FAAH2: variants seen among roughly 807,000 people sequenced by gnomAD.
FAAH2 encodes the protein fatty acid amide hydrolase 2, also known as fatty-acid amide hydrolase 2.
In FAAH2, 60 loss-of-function variants were observed where a neutral mutation model predicts 36.9. The ratio of observed to expected loss-of-function variants is 1.63; its 90% CI spans 1.32 to 2.02. The LOEUF (loss-of-function observed/expected upper bound fraction) is 2.02, where lower values mean the gene tolerates loss of function less well. Among genes scored for constraint, FAAH2 ranks in the 30% most tolerant of loss-of-function variants. FAAH2 has a pLI of 0.00. For missense variants in FAAH2, 689 were observed against 397.5 expected (o/e 1.73, Z -6.23); for synonymous variants, 214 against 143.8 (o/e 1.49, Z -3.49).
chrX:57,152,308 A>G, the FAAH2 span, among the ~76,000 whole-genome samples: 1 of 112,192 alleles, frequency 8.9e-6, no homozygotes, highest in Non-Finnish European at 1.9e-5. Flanking sequence ...TCAGACTGGG[A>G]CATTTAAGTC....
chrX:57,201,884 A>C, the FAAH2 span, among the ~76,000 whole-genome samples: 1 of 111,523 alleles, frequency 9.0e-6, no homozygotes, highest in South Asian at 3.8e-4. Context: ...CTTCTAGCTT[A>C]GTAATATTTT....
chrX:57,159,624 T>G, the FAAH2 span, among the ~76,000 whole-genome samples: 1 of 111,738 alleles, frequency 8.9e-6, no homozygotes, highest in Non-Finnish European at 1.9e-5. Context: ...AGTTCACTCA[T>G]GATTTGGCTC....
intron 3 of FAAH2, among the ~76,000 whole-genome samples, chrX:57,321,476 A>T (rs772809129): frequency 9.1e-6 from 1 of 109,659 alleles, no homozygotes; most frequent in South Asian, 3.9e-4. Flanking sequence ...GTATAATAAT[A>T]ATTATTATTA....
chrX:57,467,326 G>A (rs1454914214), intron 10 of FAAH2, among the ~76,000 whole-genome samples: 1 of 111,272 alleles, frequency 9.0e-6, no homozygotes, highest in African/African-American at 3.3e-5. Flanking sequence ...GGAAGTGCAA[G>A]GGGTCAGGGA....
intron 5 of FAAH2, among the ~76,000 whole-genome samples, chrX:57,357,579 GA>G (rs1486821670): frequency 3.6e-5 from 4 of 111,707 alleles, no homozygotes; most frequent in East Asian, 5.6e-4. Context: ...ACAAATGTAT[GA>G]AAAAAAGCTC....
At chrX:57,363,121 A>G (rs1030984708) in intron 5 of FAAH2, among the ~76,000 whole-genome samples, 1 of 111,956 alleles carries the variant, frequency 8.9e-6, no homozygotes, top group Non-Finnish European at 1.9e-5. Context: ...ACTCACATTG[A>G]GAGTTTGATG....
At chrX:57,432,095 C>T (rs1226832666) in intron 8 of FAAH2, 58 bp downstream of exon 8, 2 of 1,009,990 alleles carry the variant, frequency 2.0e-6, no homozygotes, top group Admixed American at 2.5e-5. Flanking sequence ...TATTGAGCTT[C>T]TATTGTGGTC....
the FAAH2 span, among the ~76,000 whole-genome samples, chrX:57,257,564 G>A: frequency 2.0e-3 from 220 of 109,797 alleles, no homozygotes; most frequent in Middle Eastern, 9.3e-3. Flanking sequence ...TCTAGGGGAG[G>A]GATAACATTA....
At chrX:57,399,638 C>A (rs752022561) in intron 7 of FAAH2, among the ~76,000 whole-genome samples, 1 of 111,488 alleles carries the variant, frequency 9.0e-6, no homozygotes, top group South Asian at 3.8e-4. Context: ...CTGATGACCC[C>A]AGTAGTGTAA....
At chrX:57,202,149 T>C in the FAAH2 span, among the ~76,000 whole-genome samples, 1 of 112,101 alleles carries the variant, frequency 8.9e-6, no homozygotes, top group Non-Finnish European at 1.9e-5. Flanking sequence ...GTGCCTTATT[T>C]AGTTTATGTG....
In FAAH2 at chrX:57,325,360, A is replaced by T. The variant is rs2053181780; in HGVS notation, c.413-6238A>T. Among the ~76,000 whole-genome samples, 3 of 111,576 alleles carry T rather than the reference A, an allele frequency of 2.7e-5. No homozygotes were observed. In the South Asian group the frequency reaches 1.1e-3, roughly 42 times the overall value. On this transcript the variant is annotated intron_variant, in intron 3 of 10. Transcript: ENST00000374900. ...AGGATGATGCTGGCCTCATAAAATG[A>T]GTTAGGGAGGATTCCCTATTTTTCT...
At chrX:57,347,604 G>GTTTTTTTT (rs61323098) in intron 5 of FAAH2, among the ~76,000 whole-genome samples, 1 of 77,884 alleles carries the variant, frequency 1.3e-5, no homozygotes, top group African/African-American at 6.5e-5. Context: ...GGGATGCTAA[G>GTTTTTTTT]TTTTTTTTTT....
intron 7 of FAAH2, among the ~76,000 whole-genome samples, chrX:57,415,222 CCTT>C (rs769754387): frequency 1.8e-5 from 2 of 109,924 alleles, no homozygotes; most frequent in East Asian, 5.7e-4. Context: ...TCATTTCTCT[CCTT>C]CAGTTCTGCA....
chrX:57,167,553 A>C, the FAAH2 span, among the ~76,000 whole-genome samples: 3 of 111,689 alleles, frequency 2.7e-5, no homozygotes, highest in Non-Finnish European at 5.6e-5. Flanking sequence ...ATATTGTGAG[A>C]ACAATTACTT....
At chrX:57,177,682 C>T in the FAAH2 span, among the ~76,000 whole-genome samples, 1 of 93,949 alleles carries the variant, frequency 1.1e-5, no homozygotes, top group Admixed American at 1.3e-4. Flanking sequence ...ACAGATGCAT[C>T]TACATAGAAC....
chrX:57,389,869 A>C (rs2055122768), intron 7 of FAAH2, among the ~76,000 whole-genome samples: 1 of 110,983 alleles, frequency 9.0e-6, no homozygotes, highest in Non-Finnish European at 1.9e-5. Flanking sequence ...CTTTAAAAAA[A>C]AATAATAGCT....
chrX:57,388,376 C>A (rs1467108441), intron 7 of FAAH2, among the ~76,000 whole-genome samples: 1 of 110,920 alleles, frequency 9.0e-6, no homozygotes, highest in Non-Finnish European at 1.9e-5. Context: ...ATTTTATAAT[C>A]CAGGTCTTTT....
At chrX:57,431,844 T>G in intron 7 of FAAH2, 74 bp from the exon 8 acceptor site, 4 of 898,205 alleles carry the variant, frequency 4.5e-6, no homozygotes, top group Non-Finnish European at 5.7e-6. Flanking sequence ...CTCTGCCATC[T>G]TGCTGATGTC....
intron 10 of FAAH2, among the ~76,000 whole-genome samples, chrX:57,452,641 A>G (rs952881955): frequency 8.9e-6 from 1 of 112,400 alleles, no homozygotes; most frequent in African/African-American, 3.2e-5. Flanking sequence ...ATTTTTTGTT[A>G]AACTAACAAA....
Sources: allele counts gnomAD v4.1 joint callset (sites outside exome capture counted in the v4.1 genomes callset), GRCh38; gene constraint gnomAD v4.1.1; transcripts MANE v1.5; gene names NCBI Gene and HGNC (gene_info 2026-07-23, HGNC 2026-07-21).